CHIA: variants seen among roughly 807,000 people sequenced by gnomAD.
CHIA encodes chitinase acidic.
CHIA carries 47 observed loss-of-function variants against 53.5 expected under a neutral mutation model. That is an observed-to-expected ratio of 0.88 (90% confidence interval 0.70 to 1.12). The LOEUF (loss-of-function observed/expected upper bound fraction) is 1.12, where lower values mean the gene tolerates loss of function less well. Among genes scored for constraint, CHIA ranks in the 50% most tolerant of loss-of-function variants. The probability of loss-of-function intolerance (pLI) is 0.00; values close to 1 mark genes in which losing one functional copy is unlikely to be tolerated. For synonymous variants in CHIA, 268 were observed against 222.2 expected (o/e 1.21, Z -1.83); for missense variants, 652 against 592.2 (o/e 1.10, Z -1.05).
chr1:111,312,162 C>T, intron 3 of CHIA, 28 bp from the exon 4 acceptor site: 2 of 1,588,680 alleles, frequency 1.3e-6, no homozygotes, highest in East Asian at 4.5e-5. Flanking sequence ...TAAACCAGGC[C>T]ATTGTCCCTC....
At chr1:111,292,148 G>A (rs1661063034) in intron 1 of CHIA, among the ~76,000 whole-genome samples, 1 of 152,040 alleles carries the variant, frequency 6.6e-6, no homozygotes, top group Admixed American at 6.6e-5. Context: ...CTTCAGATTG[G>A]GAAAAATAAC....
intron 1 of CHIA, among the ~76,000 whole-genome samples, chr1:111,297,402 G>A (rs1557732465): frequency 6.6e-6 from 1 of 152,208 alleles, no homozygotes; most frequent in Non-Finnish European, 1.5e-5. Context: ...CAAGCCAGAA[G>A]AGAGTGAGGG....
At chr1:111,293,642 A>G (rs374067707) in intron 1 of CHIA, among the ~76,000 whole-genome samples, 1 of 152,242 alleles carries the variant, frequency 6.6e-6, no homozygotes, top group African/African-American at 2.4e-5. Context: ...TTTAGGTGTC[A>G]TATCCAACAA....
At position 111,317,750 on chromosome 1, in the gene CHIA, G is replaced by C; in HGVS notation, c.550G>C (p.Val184Leu). Residue 184 changes from valine (V) to leucine (L), a missense_variant, in exon 7 of 12, where the codon GTA becomes CTA. Physicochemically the swap from Val to Leu is conservative, Grantham distance 32. Coordinates refer to ENST00000369740, the MANE Select transcript of CHIA (RefSeq NM_201653.4). ...GCCCAGGCTGATGGTCACTGCTGCA[G>C]TAGCTGCTGGCATCTCCAATATCCA... is the stretch of plus-strand genomic sequence containing the variant. ...NKPRLMVTAA[V>L]AAGISNIQSG... The C allele has an allele frequency of 2.5e-6, 4 of 1,613,900 alleles. No individual in the cohort carries two copies. The highest frequency in any genetic ancestry group is 3.4e-6 in the Non-Finnish European group (4 of 1,180,026).
chr1:111,302,267 G>A (rs776549132), intron 1 of CHIA, among the ~76,000 whole-genome samples: 2 of 151,998 alleles, frequency 1.3e-5, no homozygotes, highest in Non-Finnish European at 2.9e-5. Context: ...CTGAGCGCCA[G>A]TCTTTATTAT....
intron 1 of CHIA, among the ~76,000 whole-genome samples, chr1:111,304,246 T>C (rs1647998194): frequency 6.6e-6 from 1 of 152,212 alleles, no homozygotes; most frequent in African/African-American, 2.4e-5. Flanking sequence ...TGGAGTTCGC[T>C]GAGTTCTTGG....
At position 111,303,566 on chromosome 1, in the gene CHIA, T is replaced by C. The variant is rs557061810; in HGVS notation, c.-68-6834T>C. Among the ~76,000 whole-genome samples the C allele has an allele frequency of 2.6e-5, 4 of 152,174 alleles. No homozygotes were observed. The South Asian group carries it at 8.3e-4, about 31-fold the overall frequency. The stretch of plus-strand genomic sequence containing the variant: ...GGGGATTACATTTAATATCCTAAGG[T>C]TATAACATTCTAATTTGAATTTACA... On this transcript the variant is annotated intron_variant, in intron 1 of 11. Transcript: ENST00000369740.
chr1:111,295,356 G>T (rs1292810590), intron 1 of CHIA, among the ~76,000 whole-genome samples: 1 of 152,008 alleles, frequency 6.6e-6, no homozygotes, highest in Non-Finnish European at 1.5e-5. Context: ...TAAGATTTTT[G>T]GTTACTAATT....
chr1:111,307,524 A>C (rs1648279309), intron 1 of CHIA, among the ~76,000 whole-genome samples: 1 of 152,244 alleles, frequency 6.6e-6, no homozygotes, highest in African/African-American at 2.4e-5. Context: ...AAAACTCAGA[A>C]TAGTGGTTAC....
chr1:111,319,233 T>A lies in CHIA; in HGVS notation c.1029T>A (p.Asp343Glu). ...WVGYDNIKSF[D>E]IKAQWLKHNK... is the part of the protein sequence containing the mutation. ...GCTATGACAACATCAAGAGCTTCGA[T>A]ATTAAGGTAAGATCAGTCCCTTAAA... is the stretch of plus-strand genomic sequence containing the variant. Residue 343 changes from aspartate to glutamate, a missense_variant, in exon 10 of 12, where the codon GAT becomes GAA. Physicochemically the swap from Asp to Glu is conservative, Grantham distance 45. Transcript: ENST00000369740. 3.1e-6 allele frequency: 5 copies of A among 1,614,202 alleles called. No individual in the cohort carries two copies. The highest frequency in any genetic ancestry group is 4.2e-6 in the Non-Finnish European group (5 of 1,180,020).
At chr1:111,301,813 C>T (rs914733993) in intron 1 of CHIA, among the ~76,000 whole-genome samples, 61 of 151,346 alleles carry the variant, frequency 4.0e-4, no homozygotes, top group African/African-American at 1.5e-3. Context: ...GACAGAAAAC[C>T]ATATACCGCA....
At chr1:111,307,727 C>T (rs760775971) in intron 1 of CHIA, among the ~76,000 whole-genome samples, 9 of 151,926 alleles carry the variant, frequency 5.9e-5, no homozygotes, top group African/African-American at 2.2e-4. Context: ...CTGCAACCTC[C>T]GCCTCCCGGG....
At chr1:111,320,183 C>T in intron 11 of CHIA, 30 bp from the exon 12 acceptor site, 1 of 1,599,818 alleles carries the variant, frequency 6.3e-7, no homozygotes, top group Non-Finnish European at 8.5e-7. Flanking sequence ...CCCAAGCCCA[C>T]TAGTCTGCTC....
At chr1:111,312,459 A>C in intron 4 of CHIA, 68 bp downstream of exon 4, 3 of 1,277,728 alleles carry the variant, frequency 2.3e-6, no homozygotes, top group Non-Finnish European at 3.4e-6. Context: ...AATGCTTCTT[A>C]AAATGTAGTT....
chr1:111,314,302 C>T (rs1342084921), intron 4 of CHIA, among the ~76,000 whole-genome samples: 5 of 152,198 alleles, frequency 3.3e-5, no homozygotes, highest in Admixed American at 2.6e-4. Context: ...ACTGCCAACA[C>T]ACAATATTTT....
At chr1:111,299,290 G>A (rs1222315869) in intron 1 of CHIA, among the ~76,000 whole-genome samples, 1 of 152,120 alleles carries the variant, frequency 6.6e-6, no homozygotes, top group Non-Finnish European at 1.5e-5. Context: ...CACAAAAAAA[G>A]AGAATTTTAG....
intron 1 of CHIA, among the ~76,000 whole-genome samples, chr1:111,308,211 A>T (rs921597824): frequency 6.6e-6 from 1 of 152,232 alleles, no homozygotes; most frequent in Non-Finnish European, 1.5e-5. Context: ...AGAACTGGGG[A>T]TGCCAAATTC....
rs1038818066 is a variant in CHIA, at chr1:111,311,780, G to A, written c.55+62G>A. 3 of 1,548,688 alleles carry A rather than the reference G, an allele frequency of 1.9e-6. No homozygotes were observed. In the African/African-American group the frequency reaches 4.1e-5, roughly 21 times the overall value. ...TATATACGAGATAAACCATACTATGGAAAGAGAGCCGCTGTTTGCTTCACA... is the reference window on the plus strand; with the variant it reads ...TATATACGAGATAAACCATACTATGAAAAGAGAGCCGCTGTTTGCTTCACA... On this transcript the variant is annotated intron_variant, in intron 3 of 11. Transcript: ENST00000369740.
Position 111,317,460 on chromosome 1 carries a change from T to G in CHIA, c.481-221T>G, listed in dbSNP as rs1649247975. 36 of 457,420 alleles carry G rather than the reference T, an allele frequency of 7.9e-5. 2 individuals carry two copies. In the South Asian group the frequency reaches 8.7e-4, roughly 11 times the overall value. The allele number at this position is 457,420 out of a possible 1,614,324, so 28.3% of individuals were successfully genotyped here. ...TACCTACTAACTCAGTGTGGGACTT[T>G]GGTGAAGTGTCCTAACTCTTATGCA... On this transcript the variant is annotated intron_variant, in intron 6 of 11. Transcript: ENST00000369740.
Sources: gnomAD v4.1 joint callset for allele counts (sites outside exome capture counted in the v4.1 genomes callset) on GRCh38, gnomAD v4.1.1 for gene constraint, MANE v1.5 for transcripts, NCBI Gene and HGNC (gene_info 2026-07-23, HGNC 2026-07-21) for gene names.